Variants in C1orf21 observed in about 807,000 individuals in gnomAD.
C1orf21 encodes chromosome 1 open reading frame 21.
A neutral mutation model predicts 18.7 loss-of-function variants in C1orf21; 3 were observed. The ratio of observed to expected loss-of-function variants is 0.16; its 90% CI spans 0.07 to 0.42. The LOEUF (loss-of-function observed/expected upper bound fraction) is 0.42, where lower values mean the gene tolerates loss of function less well. Among genes scored for constraint, C1orf21 ranks in the 10% least tolerant of loss-of-function variants. The pLI is 0.99. For synonymous variants in C1orf21, 41 were observed against 46.4 expected (o/e 0.88, Z 0.47); for missense variants, 104 against 143.6 (o/e 0.72, Z 1.41).
chr1:184,568,407 C>T (rs1659064498), intron 3 of C1orf21: 3 of 470,094 alleles, frequency 6.4e-6, no homozygotes, highest in Middle Eastern at 3.4e-4. Context: ...TCACTGGCAA[C>T]CACCATTCTA....
At chr1:184,460,623 T>TTCG (rs1657289333) in intron 1 of C1orf21, among the ~76,000 whole-genome samples, 1 of 13,002 alleles carries the variant, frequency 7.7e-5, no homozygotes, top group African/African-American at 1.1e-4. Context: ...CGTCGTCGTC[T>TTCG]TCTTCTTCTT....
chr1:184,414,307 T>C (rs935786725), intron 1 of C1orf21, among the ~76,000 whole-genome samples: 4 of 152,120 alleles, frequency 2.6e-5, no homozygotes, highest in African/African-American at 9.7e-5. Context: ...TTTTTAATTT[T>C]TTGTTGAGAC....
intron 1 of C1orf21, among the ~76,000 whole-genome samples, chr1:184,424,010 A>G (rs183208749): frequency 3.1e-4 from 47 of 152,272 alleles, no homozygotes; most frequent in African/African-American, 1.1e-3. Context: ...CTAGTCTCAT[A>G]CTTGGTGTCC....
chr1:184,563,054 A>G (rs1417351249), intron 3 of C1orf21, among the ~76,000 whole-genome samples: 1 of 152,188 alleles, frequency 6.6e-6, no homozygotes, highest in Non-Finnish European at 1.5e-5. Context: ...ACAAGTACTT[A>G]GGTCATTTAG....
At chr1:184,522,342 G>C (rs1334887675) in intron 3 of C1orf21, among the ~76,000 whole-genome samples, 1 of 152,120 alleles carries the variant, frequency 6.6e-6, no homozygotes, top group East Asian at 1.9e-4. Flanking sequence ...TCTGTCAGTT[G>C]AGAGGGCCTA....
At position 184,464,224 on chromosome 1, in the gene C1orf21, A is replaced by G. The variant is rs137940858; in HGVS notation, c.-124-13162A>G. 7.4e-3 allele frequency among the ~76,000 whole-genome samples: 1,124 copies of G among 152,362 alleles called. 8 individuals are homozygous for G. The highest frequency in any genetic ancestry group is 0.013 in the South Asian group (64 of 4,828). On this transcript the variant is annotated intron_variant, in intron 1 of 5. Coordinates refer to ENST00000235307, the MANE Select transcript of C1orf21 (RefSeq NM_030806.4). ...CCCTGTTAGTAGCTGGTGATATACC[A>G]CAGGGGACAAGAAACATATATCTGT...
At chr1:184,588,581 T>C (rs1659393971) in intron 3 of C1orf21, among the ~76,000 whole-genome samples, 1 of 152,168 alleles carries the variant, frequency 6.6e-6, no homozygotes, top group African/African-American at 2.4e-5. Flanking sequence ...CTCAGCTTCC[T>C]CATCTGTAAA....
chr1:184,602,212 G>A (rs1470162405), intron 5 of C1orf21, among the ~76,000 whole-genome samples: 1 of 152,126 alleles, frequency 6.6e-6, no homozygotes, highest in African/African-American at 2.4e-5. Context: ...TGGTTCAGGG[G>A]TTGGAACTTC....
intron 1 of C1orf21, among the ~76,000 whole-genome samples, chr1:184,415,055 T>C (rs1206728120): frequency 6.6e-6 from 1 of 152,222 alleles, no homozygotes; most frequent in East Asian, 1.9e-4. Flanking sequence ...CTTGGAACTT[T>C]CATTTTAAAA....
intron 5 of C1orf21, among the ~76,000 whole-genome samples, chr1:184,613,925 T>C (rs560610773): frequency 6.6e-6 from 1 of 152,062 alleles, no homozygotes; most frequent in Non-Finnish European, 1.5e-5. Flanking sequence ...GAAAATTGCT[T>C]GAACCTGGGA....
At chr1:184,407,347 A>G (rs542980357) in intron 1 of C1orf21, among the ~76,000 whole-genome samples, 37 of 152,294 alleles carry the variant, frequency 2.4e-4, no homozygotes, top group African/African-American at 5.5e-4. Context: ...AACATTTTAC[A>G]TGTCTAAAAT....
intron 5 of C1orf21, among the ~76,000 whole-genome samples, chr1:184,605,972 C>A: frequency 6.6e-6 from 1 of 152,262 alleles, no homozygotes; most frequent in East Asian, 1.9e-4. Context: ...TTGGATCCTG[C>A]GTGAGCAAGT....
Position 184,516,759 on chromosome 1 carries a change from C to T in C1orf21, c.189+9077C>T, listed in dbSNP as rs150814645. Among the ~76,000 whole-genome samples, 8 of 152,300 alleles carry T rather than the reference C, an allele frequency of 5.3e-5. No homozygotes were observed. The East Asian group carries it at 1.5e-3, about 29-fold the overall frequency. On this transcript the variant is annotated intron_variant, in intron 3 of 5. Transcript: ENST00000235307. ...CAATTATCTCCCACTAGGTCCCTCC[C>T]ACAACACATGGGAGTTATGAGAGTA... is the stretch of plus-strand genomic sequence containing the variant.
rs942628292 is a variant in C1orf21 at position 184,619,991 on chromosome 1, C to G, written c.*435C>G. On this transcript the variant is annotated 3_prime_UTR_variant, in exon 6 of 6. Transcript: ENST00000235307. ...CATCTCCTGCCCTCTCTCCTTCCTC[C>G]CCATCTCTCGCACGCAGTCTAGAGA... is the stretch of plus-strand genomic sequence containing the variant. 1 of 166,052 alleles carries G rather than the reference C, an allele frequency of 6.0e-6. No individual in the cohort carries two copies. Among genetic ancestry groups the G allele is most frequent in the Non-Finnish European group, 1.3e-5 (1 of 78,050 alleles). The allele number at this position is 166,052 out of a possible 1,614,324, so 10.3% of individuals were successfully genotyped here. A position where few individuals can be genotyped will look rare whatever the true frequency, so the allele number is the denominator to read the frequency against.
rs924061408 is a variant in C1orf21 at position 184,484,098 on chromosome 1, A to AT, written c.94+6505dup. Among the ~76,000 whole-genome samples, 217 of 148,526 alleles carry AT rather than the reference A, an allele frequency of 1.5e-3. 1 individual carries two copies. Among genetic ancestry groups the AT allele is most frequent in the Middle Eastern group, 6.9e-3 (2 of 288 alleles). ...ACCACCGCGCCCGGCTAATTTTTGT[A>AT]TTTTTTTTTTAGTAGAGACAGGGTT... On this transcript the variant is annotated intron_variant, in intron 2 of 5. Coordinates refer to ENST00000235307, the MANE Select transcript of C1orf21 (RefSeq NM_030806.4).
At position 184,626,167 on chromosome 1, in the gene C1orf21, C is replaced by T. The variant is rs551146024; in HGVS notation, c.*6611C>T. On this transcript the variant is annotated 3_prime_UTR_variant, in exon 6 of 6. Coordinates refer to ENST00000235307, the MANE Select transcript of C1orf21 (RefSeq NM_030806.4). The stretch of plus-strand genomic sequence containing the variant: ...TGCGCTAATTGCCAGCAAAGCACAA[C>T]TGAACTAAATCCACCTTCAAGGAAC... 1.3e-5 allele frequency: 2 copies of T among 152,220 alleles called. No individual in the cohort carries two copies. Among genetic ancestry groups the T allele is most frequent in the South Asian group, 2.1e-4 (1 of 4,834 alleles). The allele number at this position is 152,220 out of a possible 1,614,324, so 9.4% of individuals were successfully genotyped here.
chr1:184,547,203 C>A (rs1202599697), intron 3 of C1orf21, among the ~76,000 whole-genome samples: 1 of 152,114 alleles, frequency 6.6e-6, no homozygotes, highest in African/African-American at 2.4e-5. Context: ...GAGGCCAGAC[C>A]ATGCAGGGCA....
intron 1 of C1orf21, among the ~76,000 whole-genome samples, chr1:184,414,456 A>G (rs922845993): frequency 4.6e-5 from 7 of 152,174 alleles, no homozygotes; most frequent in Admixed American, 1.3e-4. Flanking sequence ...TGGGGAACCC[A>G]TCTTTGGACT....
intron 1 of C1orf21, among the ~76,000 whole-genome samples, chr1:184,474,223 A>G (rs1017741323): frequency 2.0e-5 from 3 of 152,222 alleles, no homozygotes; most frequent in Admixed American, 6.5e-5. Context: ...TATGTTTCAG[A>G]AACAAAATCT....
Sources: allele counts gnomAD v4.1 joint callset (sites outside exome capture counted in the v4.1 genomes callset), GRCh38; gene constraint gnomAD v4.1.1; transcripts MANE v1.5; gene names NCBI Gene and HGNC (gene_info 2026-07-23, HGNC 2026-07-21).